The following CALN1 variants were observed in gnomAD, a reference collection of about 807,000 sequenced individuals.
CALN1 encodes calcium-binding protein 8.
Under a neutral mutation model 30.6 loss-of-function variants are expected in CALN1, and 17 were observed. The ratio of observed to expected loss-of-function variants is 0.56; its 90% confidence interval spans 0.38 to 0.83. The LOEUF (loss-of-function observed/expected upper bound fraction) is 0.83, where lower values mean the gene tolerates loss of function less well. Among genes scored for constraint, CALN1 ranks in the 40% least tolerant of loss-of-function variants. CALN1 has a pLI of 0.00. For missense variants in CALN1, 291 were observed against 354.9 expected (o/e 0.82, Z 1.45); for synonymous variants, 156 against 131.4 (o/e 1.19, Z -1.28).
At chr7:71,922,739 TTA>T (rs561691694) in intron 5 of CALN1, among the ~76,000 whole-genome samples, 2 of 122,834 alleles carry the variant, frequency 1.6e-5, no homozygotes, top group African/African-American at 2.7e-5. Context: ...ACAGAATATA[TTA>T]TATATAAATA....
intron 5 of CALN1, among the ~76,000 whole-genome samples, chr7:71,844,831 T>C (rs1470932016): frequency 2.0e-5 from 3 of 151,502 alleles, no homozygotes; most frequent in Non-Finnish European, 4.4e-5. Flanking sequence ...AAACATCACA[T>C]GTTTTAAATT....
Position 71,930,582 on chromosome 7 carries a change from C to G in CALN1, c.501+93075G>C, listed in dbSNP as rs185952640. ...TACACTTTTTAATTTTGATGAAGTCCAATTTGCCTATTTTATCTTTGGTCC... is the reference window on the plus strand; with the variant it reads ...TACACTTTTTAATTTTGATGAAGTCGAATTTGCCTATTTTATCTTTGGTCC... On this transcript the variant is annotated intron_variant, in intron 5 of 6. Transcript: ENST00000395275. Among the ~76,000 whole-genome samples the G allele has an allele frequency of 2.6e-5, 4 of 152,146 alleles. No homozygotes were observed. In the East Asian group the frequency reaches 7.7e-4, roughly 29 times the overall value.
intron 5 of CALN1, among the ~76,000 whole-genome samples, chr7:71,814,089 G>A (rs1334588180): frequency 6.6e-6 from 1 of 152,146 alleles, no homozygotes. Flanking sequence ...GGGAATCTTG[G>A]AGAACAATGT....
intron 5 of CALN1, among the ~76,000 whole-genome samples, chr7:72,010,471 C>A (rs1358514389): frequency 6.6e-6 from 1 of 151,996 alleles, no homozygotes; most frequent in East Asian, 1.9e-4. Context: ...CCCAAAATTC[C>A]AAAGCCATTT....
intron 5 of CALN1, among the ~76,000 whole-genome samples, chr7:71,884,879 A>C (rs974479483): frequency 2.6e-5 from 4 of 152,204 alleles, no homozygotes; most frequent in African/African-American, 9.7e-5. Flanking sequence ...TTTTTCTTCC[A>C]GACCTACCCA....
chr7:71,794,129 G>A (rs1046467773), intron 6 of CALN1, among the ~76,000 whole-genome samples: 1 of 152,048 alleles, frequency 6.6e-6, no homozygotes, highest in African/African-American at 2.4e-5. Context: ...ATTGCGTGAG[G>A]AGCCTGAATT....
chr7:71,879,365 G>A (rs1458496898), intron 5 of CALN1, among the ~76,000 whole-genome samples: 1 of 152,142 alleles, frequency 6.6e-6, no homozygotes, highest in African/African-American at 2.4e-5. Context: ...TAGAAGATAA[G>A]CCTACTTACA....
intron 3 of CALN1, among the ~76,000 whole-genome samples, chr7:72,277,111 C>T (rs1249520584): frequency 7.2e-6 from 1 of 138,282 alleles, no homozygotes; most frequent in Non-Finnish European, 1.6e-5. Context: ...ACCAAGACGC[C>T]ACCCAAGTGA....
chr7:72,321,539 G>A (rs1800881770), intron 2 of CALN1, among the ~76,000 whole-genome samples: 3 of 152,132 alleles, frequency 2.0e-5, no homozygotes. Flanking sequence ...GCGTGAAGTG[G>A]GGCAGCCTAC....
At chr7:72,435,019 G>A (rs1458684880) in intron 1 of CALN1, among the ~76,000 whole-genome samples, 1 of 152,194 alleles carries the variant, frequency 6.6e-6, no homozygotes, top group African/African-American at 2.4e-5. Flanking sequence ...TTGAGGCTAG[G>A]GTTGTGAGAC....
chr7:71,984,322 C>G (rs1798553893), intron 5 of CALN1, among the ~76,000 whole-genome samples: 1 of 152,162 alleles, frequency 6.6e-6, no homozygotes, highest in Non-Finnish European at 1.5e-5. Flanking sequence ...AATGCTTGAT[C>G]AAAGTCGCAA....
chr7:72,387,894 G>T (rs1202449120), intron 2 of CALN1, among the ~76,000 whole-genome samples: 1 of 152,286 alleles, frequency 6.6e-6, no homozygotes. Flanking sequence ...AGAATTGGGG[G>T]ATAGGGGTAG....
At chr7:72,336,753 C>T in intron 2 of CALN1, 3 of 985,220 alleles carry the variant, frequency 3.0e-6, no homozygotes, top group Non-Finnish European at 3.6e-6. Context: ...CGCCTCCGCA[C>T]AGCGCGGGGG....
intron 2 of CALN1, among the ~76,000 whole-genome samples, chr7:72,307,673 T>TG (rs1165637485): frequency 1.3e-5 from 2 of 152,310 alleles, no homozygotes; most frequent in African/African-American, 4.8e-5. Flanking sequence ...GCTGAGCCTC[T>TG]GGTGCAGATG....
At chr7:72,314,649 C>T (rs28733015) in intron 2 of CALN1, among the ~76,000 whole-genome samples, 46,719 of 151,050 alleles carry the variant, frequency 0.31, 7,787 homozygotes, top group Non-Finnish European at 0.37. Flanking sequence ...TCCTGACCTC[C>T]GGTGATCTGC....
chr7:72,336,979 G>A (rs1802103779), intron 2 of CALN1: 4 of 985,294 alleles, frequency 4.1e-6, no homozygotes, highest in Non-Finnish European at 4.8e-6. Context: ...CTGGGCGCGT[G>A]CCTCCCTGTC....
At chr7:72,388,475 TTAA>T (rs1805380232) in intron 2 of CALN1, among the ~76,000 whole-genome samples, 1 of 152,112 alleles carries the variant, frequency 6.6e-6, no homozygotes, top group African/African-American at 2.4e-5. Flanking sequence ...ATCATGAGCC[TTAA>T]TAATAATGTA....
chr7:72,407,144 T>C (rs1012643438), intron 1 of CALN1, among the ~76,000 whole-genome samples: 1 of 152,302 alleles, frequency 6.6e-6, no homozygotes, highest in East Asian at 1.9e-4. Flanking sequence ...GTTAAGAACA[T>C]CACTAATCAA....
At chr7:72,265,988 C>A (rs1796570484) in intron 3 of CALN1, among the ~76,000 whole-genome samples, 1 of 151,816 alleles carries the variant, frequency 6.6e-6, no homozygotes, top group Non-Finnish European at 1.5e-5. Flanking sequence ...AAAAACAAAA[C>A]AAAATTAGCC....
Sources: allele counts gnomAD v4.1 joint callset (sites outside exome capture counted in the v4.1 genomes callset), GRCh38; gene constraint gnomAD v4.1.1; transcripts MANE v1.5; gene names NCBI Gene and HGNC (gene_info 2026-07-23, HGNC 2026-07-21).